Variants in TMEM120B observed in about 807,000 individuals in gnomAD.
TMEM120B encodes transmembrane protein 120B.
Under a neutral mutation model 55.5 loss-of-function variants are expected in TMEM120B, and 31 were observed. The observed-to-expected ratio is 0.56, with a 90% confidence interval of 0.42 to 0.75. The LOEUF (loss-of-function observed/expected upper bound fraction) is 0.75, where lower values mean the gene tolerates loss of function less well. Ranked by LOEUF, TMEM120B falls within the 30% of genes least tolerant of loss-of-function variation. The pLI, the probability that TMEM120B is intolerant of heterozygous loss-of-function variation, is 0.00. For synonymous variants in TMEM120B, 203 were observed against 176.3 expected, an observed-to-expected ratio of 1.15 and a Z score of -1.20; for missense variants, 399 against 425.5, an observed-to-expected ratio of 0.94 and a Z score of 0.55.
At chr12:121,728,642 ACACT>A (rs1175391737) in intron 1 of TMEM120B, among the ~76,000 whole-genome samples, 5 of 152,144 alleles carry the variant, frequency 3.3e-5, no homozygotes, top group African/African-American at 1.2e-4. Flanking sequence ...TGAAATGGAA[ACACT>A]CAGCCCCAAC....
At chr12:121,767,637 G>A (rs1017502868) in intron 6 of TMEM120B, among the ~76,000 whole-genome samples, 4 of 152,176 alleles carry the variant, frequency 2.6e-5, no homozygotes, top group African/African-American at 7.2e-5. Context: ...GAATTGTACG[G>A]TATCTGAATC....
chr12:121,762,526 C>T (rs1275900619), intron 6 of TMEM120B, among the ~76,000 whole-genome samples: 1 of 152,162 alleles, frequency 6.6e-6, no homozygotes, highest in East Asian at 1.9e-4. Flanking sequence ...ATCCCTGAAC[C>T]AGTCACTGTT....
intron 6 of TMEM120B, among the ~76,000 whole-genome samples, chr12:121,770,656 G>T (rs1223802953): frequency 6.6e-6 from 1 of 152,088 alleles, no homozygotes; most frequent in African/African-American, 2.4e-5. Context: ...CTAGGGGTGT[G>T]CTCTGAGGGT....
chr12:121,773,266 T>C (rs1874120204), intron 8 of TMEM120B, among the ~76,000 whole-genome samples, 155 bp from the exon 9 acceptor site: 1 of 152,146 alleles, frequency 6.6e-6, no homozygotes, highest in Non-Finnish European at 1.5e-5. Flanking sequence ...GTGTGTCTGT[T>C]TGTGGTGTGT....
intron 1 of TMEM120B, among the ~76,000 whole-genome samples, chr12:121,730,889 C>T (rs1382531648): frequency 2.0e-5 from 3 of 151,310 alleles, no homozygotes; most frequent in Admixed American, 6.6e-5. Context: ...ACCCAGGAGG[C>T]GGAGGTTTCG....
chr12:121,774,303 A>G (rs888803673), intron 9 of TMEM120B, among the ~76,000 whole-genome samples: 2 of 152,086 alleles, frequency 1.3e-5, no homozygotes, highest in Non-Finnish European at 2.9e-5. Flanking sequence ...TTACTCTCCT[A>G]AGTAGGTCCT....
At chr12:121,720,223 C>T (rs916743192) in intron 1 of TMEM120B, among the ~76,000 whole-genome samples, 6 of 152,144 alleles carry the variant, frequency 3.9e-5, no homozygotes, top group Non-Finnish European at 7.4e-5. Context: ...GCCTCCCACG[C>T]ACAGACCCCC....
rs200553022 is a variant in TMEM120B at position 121,779,669 on chromosome 12, G to A, written c.*3947G>A. ...GTTCGCAGGCGCTCAGGCCCTGGGTGGGGGGAGGAGCCAGCATTAGGTGAG... is the reference window on the plus strand; with the variant it reads ...GTTCGCAGGCGCTCAGGCCCTGGGTAGGGGGAGGAGCCAGCATTAGGTGAG... On this transcript the variant is annotated 3_prime_UTR_variant, in exon 12 of 12. Transcript: ENST00000449592. The A allele has an allele frequency of 6.4e-5, 103 of 1,612,936 alleles. No homozygotes were observed. Among genetic ancestry groups the A allele is most frequent in the Non-Finnish European group, 7.8e-5 (92 of 1,179,530 alleles).
chr12:121,751,974 G>A (rs1241468308), intron 4 of TMEM120B, among the ~76,000 whole-genome samples, 154 bp from the exon 5 acceptor site: 3 of 152,134 alleles, frequency 2.0e-5, no homozygotes, highest in Admixed American at 6.5e-5. Flanking sequence ...CCACTAACCC[G>A]TCAAGGCCAG....
rs576778469 is a variant in TMEM120B, at chr12:121,773,134, A to C, written c.680-287A>C. On this transcript the variant is annotated intron_variant, in intron 8 of 11. Coordinates refer to ENST00000449592, the MANE Select transcript of TMEM120B (RefSeq NM_001080825.2). Reference sequence around the variant, plus strand: ...CTTGCATTCCAGCAAGCATCTATTGAGTGTCTACTGCATGGAAAATTCCAG... The same window carrying C: ...CTTGCATTCCAGCAAGCATCTATTGCGTGTCTACTGCATGGAAAATTCCAG... 8.5e-5 allele frequency among the ~76,000 whole-genome samples: 13 copies of C among 152,300 alleles called. No individual in the cohort carries two copies. In the South Asian group the frequency reaches 2.3e-3, roughly 27 times the overall value.
chr12:121,770,867 C>T (rs1253019649), intron 6 of TMEM120B, 40 bp from the exon 7 acceptor site: 3 of 1,601,660 alleles, frequency 1.9e-6, no homozygotes, highest in South Asian at 1.1e-5. Flanking sequence ...CTGCGTTGCT[C>T]TCCCCTCCTG....
chr12:121,739,196 AAAAAC>A (rs1452035378), intron 1 of TMEM120B, among the ~76,000 whole-genome samples: 2 of 152,158 alleles, frequency 1.3e-5, no homozygotes, highest in Non-Finnish European at 2.9e-5. Flanking sequence ...TCAAAAAACA[AAAAAC>A]AAAAACAAAC....
intron 1 of TMEM120B, among the ~76,000 whole-genome samples, chr12:121,721,501 C>A (rs1394995358): frequency 6.8e-5 from 10 of 148,090 alleles, no homozygotes; most frequent in African/African-American, 1.5e-4. Context: ...CCAAGAGTTT[C>A]ACTCTTGTTG....
At position 121,780,688 on chromosome 12, in the gene TMEM120B, T is replaced by G. The variant is rs1874417948; in HGVS notation, c.*4966T>G. ...AGCGCCTGCCTCCGAGTCCTAAGGA[T>G]TGGGAGTAGTCGTGTAAAGTGCTCA... On this transcript the variant is annotated 3_prime_UTR_variant, in exon 12 of 12. Coordinates refer to ENST00000449592, the MANE Select transcript of TMEM120B (RefSeq NM_001080825.2). 1.5e-6 allele frequency: 1 copy of G among 663,094 alleles called. No homozygotes were observed. 41.1% of individuals were successfully genotyped at this position (663,094 alleles called of 1,614,324 possible). A position where few individuals can be genotyped will look rare whatever the true frequency, so the allele number is the denominator to read the frequency against.
rs753758712 is a variant in TMEM120B at position 121,773,454 on chromosome 12, GGGGCTGCCTCTACCGGCTGC to G, written c.718_737del (p.Cys240ProfsTer45). On this transcript the variant is annotated frameshift_variant, in exon 9 of 12. Coordinates refer to ENST00000449592, the MANE Select transcript of TMEM120B (RefSeq NM_001080825.2). LOFTEE classifies it high-confidence loss of function. Reference sequence around the variant, plus strand: ...CAGTTCCTGCAATATTATTACCAGAGGGGCTGCCTCTACCGGCTGCGGGCCCTGGGGGAGAGGAACCACCT... The same window carrying G: ...CAGTTCCTGCAATATTATTACCAGAGGGGCCCTGGGGGAGAGGAACCACCT... The G allele has an allele frequency of 6.2e-7, 1 of 1,610,256 alleles. No individual in the cohort carries two copies. Among genetic ancestry groups the G allele is most frequent in the Non-Finnish European group, 8.5e-7 (1 of 1,177,938 alleles).
chr12:121,775,147 C>A lies in TMEM120B; in HGVS notation c.906+17C>A. On this transcript the variant is annotated intron_variant, in intron 11 of 11. Transcript: ENST00000449592. The surrounding 1 kb of genome is among the most constrained non-coding windows in gnomAD (Gnocchi z 4.3). ...GAATGGCAGGTATGGGGGGTGGGGG[C>A]ATGCTCGGGGGAGGTTCCCGGGAGG... 4 of 1,305,622 alleles carry A rather than the reference C, an allele frequency of 3.1e-6. No individual in the cohort carries two copies. Among genetic ancestry groups the A allele is most frequent in the Non-Finnish European group, 4.0e-6 (4 of 999,926 alleles). 80.9% of individuals were successfully genotyped at this position (1,305,622 alleles called of 1,614,324 possible).
intron 1 of TMEM120B, among the ~76,000 whole-genome samples, chr12:121,742,322 A>G (rs188780249): frequency 7.2e-5 from 11 of 152,026 alleles, no homozygotes; most frequent in African/African-American, 2.2e-4. Context: ...TTTCATACCT[A>G]GGTGCCTTGC....
intron 1 of TMEM120B, among the ~76,000 whole-genome samples, chr12:121,718,208 C>T (rs761955548): frequency 2.4e-4 from 37 of 152,190 alleles, no homozygotes; most frequent in Non-Finnish European, 5.1e-4. Flanking sequence ...CATGGCCTGG[C>T]GCAGTGGCCC....
intron 1 of TMEM120B, among the ~76,000 whole-genome samples, chr12:121,718,891 G>A (rs1894746655): frequency 6.6e-6 from 1 of 152,098 alleles, no homozygotes; most frequent in African/African-American, 2.4e-5. Context: ...TCTGTGTGTG[G>A]ATGTCTCTCT....
Sources: gnomAD v4.1 joint callset for allele counts (sites outside exome capture counted in the v4.1 genomes callset) on GRCh38, gnomAD v4.1.1 for gene constraint, Gnocchi (gnomAD v3.1) non-coding constraint, MANE v1.5 for transcripts, NCBI Gene and HGNC (gene_info 2026-07-23, HGNC 2026-07-21) for gene names.